ATF7IP: variants seen among roughly 807,000 people sequenced by gnomAD.
ATF7IP encodes activating transcription factor 7 interacting protein.
A neutral mutation model predicts 106.4 loss-of-function variants in ATF7IP; 23 were observed. The ratio of observed to expected loss-of-function variants is 0.22; its 90% CI spans 0.16 to 0.31. The LOEUF (loss-of-function observed/expected upper bound fraction) is 0.31. Ranked by LOEUF, ATF7IP falls within the 10% of genes least tolerant of loss-of-function variation. The probability of loss-of-function intolerance (pLI) is 1.00; values close to 1 mark genes in which losing one functional copy is unlikely to be tolerated. For synonymous variants in ATF7IP, 542 were observed against 539.0 expected (o/e 1.01, Z -0.08); for missense variants, 1,334 against 1,524.3 (o/e 0.88, Z 2.08).
intron 6 of ATF7IP, among the ~76,000 whole-genome samples, chr12:14,455,109 C>T (rs914202791): frequency 2.7e-5 from 4 of 149,018 alleles, no homozygotes; most frequent in South Asian, 2.2e-4. Context: ...GCCTGGGAGG[C>T]GGAGGCTAGA....
rs544996913 is a variant in ATF7IP, at chr12:14,498,384, T to G, written c.*311T>G. The G allele has an allele frequency of 8.0e-6, 2 of 251,142 alleles. No homozygotes were observed. The highest frequency in any genetic ancestry group is 4.4e-5 in the African/African-American group (2 of 45,110). The allele number at this position is 251,142 out of a possible 1,614,324, so 15.6% of individuals were successfully genotyped here. On this transcript the variant is annotated 3_prime_UTR_variant, in exon 15 of 15. Coordinates refer to ENST00000261168, the MANE Select transcript of ATF7IP (RefSeq NM_018179.5). ...ATGTAGGTGTTATTGCATTGGAGTC[T>G]CCCATTTTCATTCTCAAATTTACCT...
intron 7 of ATF7IP, 148 bp from the exon 8 acceptor site, chr12:14,457,059 C>A: frequency 1.5e-6 from 1 of 672,126 alleles, no homozygotes; most frequent in Non-Finnish European, 2.6e-6. Context: ...GCCAGCTATG[C>A]CTCACTGTTT....
At chr12:14,385,422 AT>A in intron 1 of ATF7IP, 1 of 1,530,054 alleles carries the variant, frequency 6.5e-7, no homozygotes, top group Non-Finnish European at 8.7e-7. Flanking sequence ...TTACTCTTTT[AT>A]CTTAAACATT....
chr12:14,472,002 C>T (rs189169275), intron 10 of ATF7IP, among the ~76,000 whole-genome samples: 2 of 152,030 alleles, frequency 1.3e-5, no homozygotes, highest in Non-Finnish European at 2.9e-5. Flanking sequence ...TGTTTAAAAC[C>T]AATATTCCAT....
intron 1 of ATF7IP, among the ~76,000 whole-genome samples, chr12:14,423,553 C>T (rs1347399009): frequency 1.1e-4 from 7 of 62,058 alleles, no homozygotes; most frequent in Admixed American, 4.4e-4. Context: ...TTTTATTTTT[C>T]TTTCTCATTT....
chr12:14,394,445 A>G (rs1220958541), intron 1 of ATF7IP, among the ~76,000 whole-genome samples: 8 of 152,192 alleles, frequency 5.3e-5, no homozygotes, highest in Non-Finnish European at 7.4e-5. Flanking sequence ...TCAAATATGT[A>G]TATCAAATAT....
At chr12:14,454,154 T>TC (rs1463347915) in intron 6 of ATF7IP, among the ~76,000 whole-genome samples, 2 of 152,214 alleles carry the variant, frequency 1.3e-5, no homozygotes, top group East Asian at 3.9e-4. Context: ...TGTTAGAGAG[T>TC]CTGTGGGCCT....
At chr12:14,485,921 G>C (rs565611756) in intron 13 of ATF7IP, among the ~76,000 whole-genome samples, 1 of 152,176 alleles carries the variant, frequency 6.6e-6, no homozygotes, top group African/African-American at 2.4e-5. Context: ...GGCAAGCACC[G>C]CCCCTGCATC....
At chr12:14,406,769 T>C (rs1401348179) in intron 1 of ATF7IP, among the ~76,000 whole-genome samples, 1 of 151,784 alleles carries the variant, frequency 6.6e-6, no homozygotes, top group Non-Finnish European at 1.5e-5. Flanking sequence ...ACTTTTTGTA[T>C]TTTTAGTAGA....
intron 1 of ATF7IP, chr12:14,385,154 G>C (rs1354379768): frequency 2.2e-6 from 1 of 444,646 alleles, no homozygotes; most frequent in Non-Finnish European, 4.0e-6. Context: ...GTTTGTTGCA[G>C]TATATGCATT....
At chr12:14,443,769 A>G (rs1942820877) in intron 5 of ATF7IP, among the ~76,000 whole-genome samples, 1 of 152,312 alleles carries the variant, frequency 6.6e-6, no homozygotes, top group African/African-American at 2.4e-5. Flanking sequence ...GGTAAGTGGG[A>G]ACCCAATAGA....
chr12:14,436,096 T>G lies in ATF7IP; in HGVS notation c.1646-10T>G, dbSNP rs1390033635. 1.2e-6 allele frequency: 2 copies of G among 1,611,652 alleles called. No individual in the cohort carries two copies. The highest frequency in any genetic ancestry group is 1.7e-6 in the Non-Finnish European group (2 of 1,178,832). ...CACCTGAGTGTGATCATTGTGGTTT[T>G]CCTTCTCAGATGAATTTTCTAGACG... is the stretch of plus-strand genomic sequence containing the variant. On this transcript the variant is annotated splice_polypyrimidine_tract_variant and intron_variant, in intron 3 of 14. Coordinates refer to ENST00000261168, the MANE Select transcript of ATF7IP (RefSeq NM_018179.5).
chr12:14,383,720 G>C (rs973098612), intron 1 of ATF7IP, among the ~76,000 whole-genome samples: 1 of 152,002 alleles, frequency 6.6e-6, no homozygotes, highest in East Asian at 1.9e-4. Flanking sequence ...ACCTGCTAAT[G>C]TTTTAAAAAT....
At chr12:14,445,589 T>G (rs1254129432) in intron 5 of ATF7IP, among the ~76,000 whole-genome samples, 1 of 152,198 alleles carries the variant, frequency 6.6e-6, no homozygotes, top group Non-Finnish European at 1.5e-5. Flanking sequence ...ATCTTGAGCC[T>G]TAATAACATG....
intron 8 of ATF7IP, among the ~76,000 whole-genome samples, chr12:14,458,107 TAATA>T (rs1463342330): frequency 1.4e-5 from 2 of 147,744 alleles, no homozygotes; most frequent in Non-Finnish European, 3.0e-5. Flanking sequence ...AAAAAAAAAA[TAATA>T]AATAATAAAT....
chr12:14,495,347 A>G (rs1333139579), intron 13 of ATF7IP, among the ~76,000 whole-genome samples: 8 of 152,250 alleles, frequency 5.3e-5, no homozygotes. Flanking sequence ...AAGGGAAAAT[A>G]TAGCTATTTA....
At chr12:14,422,504 A>G (rs982805991) in intron 1 of ATF7IP, among the ~76,000 whole-genome samples, 8 of 152,174 alleles carry the variant, frequency 5.3e-5, no homozygotes, top group Admixed American at 5.2e-4. Flanking sequence ...ATGTTAGAAC[A>G]TTTTCATAAC....
chr12:14,461,857 G>A (rs1943650842), intron 9 of ATF7IP, among the ~76,000 whole-genome samples: 1 of 152,156 alleles, frequency 6.6e-6, no homozygotes. Flanking sequence ...AGTCATGCAA[G>A]GGTAGGCATC....
intron 13 of ATF7IP, among the ~76,000 whole-genome samples, chr12:14,488,800 C>T (rs977136733): frequency 2.6e-5 from 4 of 152,128 alleles, no homozygotes; most frequent in Non-Finnish European, 5.9e-5. Flanking sequence ...AAGCCAAATA[C>T]TATTACATAA....
Sources: gnomAD v4.1 joint callset for allele counts (sites outside exome capture counted in the v4.1 genomes callset) on GRCh38, gnomAD v4.1.1 for gene constraint, MANE v1.5 for transcripts, NCBI Gene and HGNC (gene_info 2026-07-23, HGNC 2026-07-21) for gene names.